Variants in CLSPN observed in about 807,000 individuals in gnomAD.
The protein encoded by CLSPN is claspin.
A neutral mutation model predicts 156.3 loss-of-function variants in CLSPN; 85 were observed. The ratio of observed to expected loss-of-function variants is 0.54; its 90% confidence interval spans 0.46 to 0.65. CLSPN has a LOEUF of 0.65. Among genes scored for constraint, CLSPN ranks in the 30% least tolerant of loss-of-function variants. The probability of loss-of-function intolerance (pLI) is 0.00; values close to 1 mark genes in which losing one functional copy is unlikely to be tolerated. For synonymous variants in CLSPN, 534 were observed against 542.4 expected (o/e 0.98, Z 0.22); for missense variants, 1,407 against 1,554.9 (o/e 0.90, Z 1.60).
chr1:35,747,770 G>A (rs1641940973), intron 14 of CLSPN, 137 bp downstream of exon 14: 1 of 775,480 alleles, frequency 1.3e-6, no homozygotes, highest in African/African-American at 1.7e-5. Context: ...CTTATAGAAT[G>A]TAATACTAAT....
chr1:35,764,493 A>T lies in CLSPN; in HGVS notation c.355T>A (p.Leu119Met). The T allele has an allele frequency of 1.2e-6, 2 of 1,614,030 alleles. No homozygotes were observed. The highest frequency in any genetic ancestry group is 1.7e-6 in the Non-Finnish European group (2 of 1,180,002). Residue 119 changes from leucine (L) to methionine (M), a missense_variant, in exon 3 of 25, where the codon TTG becomes ATG. Physicochemically the swap from Leu to Met is conservative, Grantham distance 15. This residue lies in a region of CLSPN where 1,096 missense variants were observed against 1,193.0 expected (regional missense o/e 0.92). Transcript: ENST00000318121. ...DSDESYMEKSLYQENLEAQVK... is the reference protein window; with the variant it reads ...DSDESYMEKSMYQENLEAQVK... ...TGCGCTTCAAGATTTTCCTGATACA[A>T]AGACTTTTCCATGTAACTTTCATCA...
intron 8 of CLSPN, among the ~76,000 whole-genome samples, chr1:35,756,144 A>C (rs1191667009): frequency 6.6e-6 from 1 of 152,238 alleles, no homozygotes; most frequent in Admixed American, 6.5e-5. Flanking sequence ...ATTAGCAGCA[A>C]AAACCCAACT....
chr1:35,735,451 T>C lies in CLSPN; in HGVS notation c.*1045A>G. The C allele has an allele frequency of 1.0e-6, 1 of 980,542 alleles. No individual in the cohort carries two copies. The highest frequency in any genetic ancestry group is 1.2e-6 in the Non-Finnish European group (1 of 825,538). The allele number at this position is 980,542 out of a possible 1,614,324, so 60.7% of individuals were successfully genotyped here. A position where few individuals can be genotyped will look rare whatever the true frequency, so the allele number is the denominator to read the frequency against. On this transcript the variant is annotated 3_prime_UTR_variant, in exon 25 of 25. Transcript: ENST00000318121. ...GGCTGGGCACAGTGGCTCACGCCTG[T>C]AATCTCAGCACTTTGGGAGGCTGAG...
In CLSPN at chr1:35,769,896, T is replaced by C. The variant is rs772292811; in HGVS notation, c.-26A>G. On this transcript the variant is annotated 5_prime_UTR_variant, in exon 1 of 25. Coordinates refer to ENST00000318121, the MANE Select transcript of CLSPN (RefSeq NM_022111.4). ...GACTTCTGCCTCCCCTGCGCTCCAC[T>C]AGGGACGGAGCTGTCTCTGATTCCC... The C allele has an allele frequency of 6.2e-7, 1 of 1,608,034 alleles. No individual in the cohort carries two copies.
rs367728453 is a variant in CLSPN, at chr1:35,738,100, GAAA to G, written c.3559-6_3559-4del. The G allele has an allele frequency of 1.2e-3, 434 of 355,328 alleles. 2 individuals carry two copies. The highest frequency in any genetic ancestry group is 8.9e-3 in the Admixed American group (86 of 9,638). 22.0% of individuals were successfully genotyped at this position (355,328 alleles called of 1,614,324 possible). A position where few individuals can be genotyped will look rare whatever the true frequency, so the allele number is the denominator to read the frequency against. ...GCTGTAATTTTCCCCTGCTGTGCCT[GAAA>G]AAAAAAAAAAATATATATATATATA... On this transcript the variant is annotated splice_region_variant and splice_polypyrimidine_tract_variant and intron_variant, in intron 21 of 24. Transcript: ENST00000318121.
At chr1:35,744,459 A>T (rs1418189284) in intron 16 of CLSPN, among the ~76,000 whole-genome samples, 2 of 151,870 alleles carry the variant, frequency 1.3e-5, no homozygotes, top group Non-Finnish European at 2.9e-5. Flanking sequence ...ACGCCTAGCT[A>T]ATTTTAGTAT....
Position 35,762,415 on chromosome 1 carries a change from T to A in CLSPN, c.811A>T (p.Thr271Ser). ...FEEGSELSKGTTRKERKAARL... is the reference protein window; with the variant it reads ...FEEGSELSKGSTRKERKAARL... ...GGGCTCTACCTCACCTTCCTCGTGGTTCCTTTTGATAACTCACTTCCTTCC... is the reference window on the plus strand; with the variant it reads ...GGGCTCTACCTCACCTTCCTCGTGGATCCTTTTGATAACTCACTTCCTTCC... The change falls in exon 5 of 25, where the codon ACC becomes TCC. Residue 271 changes from threonine (T) to serine (S), a missense_variant. By Grantham distance (58) the Thr-to-Ser change is moderately conservative. This residue lies in a region of CLSPN where 1,096 missense variants were observed against 1,193.0 expected (regional missense o/e 0.92). Coordinates refer to ENST00000318121, the MANE Select transcript of CLSPN (RefSeq NM_022111.4). The A allele has an allele frequency of 1.2e-6, 2 of 1,613,736 alleles. No individual in the cohort carries two copies. Among genetic ancestry groups the A allele is most frequent in the Non-Finnish European group, 1.7e-6 (2 of 1,179,720 alleles).
At chr1:35,726,942 G>C (rs1344980453) in intron 24 of CLSPN, among the ~76,000 whole-genome samples, 3 of 152,208 alleles carry the variant, frequency 2.0e-5, no homozygotes, top group Non-Finnish European at 4.4e-5. Context: ...CCCAATACTG[G>C]TGTGGGGCGT....
rs751943781 is a variant in CLSPN at position 35,761,136 on chromosome 1, G to T, written c.964C>A (p.Pro322Thr). 12 of 1,613,666 alleles carry T rather than the reference G, an allele frequency of 7.4e-6. No homozygotes were observed. In the South Asian group the frequency reaches 1.2e-4, roughly 16 times the overall value. Reference protein sequence around the residue: ...KTIHDFFKRKPRPTCHGNAMA... With the variant: ...KTIHDFFKRKTRPTCHGNAMA... Reference sequence around the variant, plus strand: ...GCATTTCCGTGGCAAGTGGGCCGGGGTTTACGTTTGAAGAAATCATGAATG... The same window carrying T: ...GCATTTCCGTGGCAAGTGGGCCGGGTTTTACGTTTGAAGAAATCATGAATG... Residue 322 changes from proline (P) to threonine (T), a missense_variant, in exon 7 of 25, where the codon CCC (proline) becomes ACC (threonine). Physicochemically the swap from Pro to Thr is conservative, Grantham distance 38. Around this residue, in one of 3 missense-constraint regions of CLSPN, gnomAD observed 1,096 missense variants for 1,193.0 expected, o/e 0.92. Coordinates refer to ENST00000318121, the MANE Select transcript of CLSPN (RefSeq NM_022111.4).
At position 35,732,558 on chromosome 1, in the gene CLSPN, C is replaced by T. The variant is rs1641343102; in HGVS notation, c.*3938G>A. 1.0e-6 allele frequency: 1 copy of T among 985,392 alleles called. No individual in the cohort carries two copies. The highest frequency in any genetic ancestry group is 1.2e-6 in the Non-Finnish European group (1 of 829,926). 61.0% of individuals were successfully genotyped at this position (985,392 alleles called of 1,614,324 possible). On this transcript the variant is annotated 3_prime_UTR_variant, in exon 25 of 25. Coordinates refer to ENST00000318121, the MANE Select transcript of CLSPN (RefSeq NM_022111.4). The stretch of plus-strand genomic sequence containing the variant: ...GAATTAATGAGATGAAATTAGAGAC[C>T]TGTTTAAAGAGGTTAATACCATGTA...
intron 24 of CLSPN, among the ~76,000 whole-genome samples, chr1:35,722,125 TA>T: frequency 6.7e-6 from 1 of 148,540 alleles, no homozygotes; most frequent in East Asian, 2.0e-4. Context: ...GGCGATAGAG[TA>T]AGACCCTGTC....
In CLSPN at chr1:35,748,260, A is replaced by G. The variant is rs1426507255; in HGVS notation, c.2472+145T>C. Reference sequence around the variant, plus strand: ...AGAATACTGGATGAAGCTTGTTTTTAATACACAAAGGGGGTGGATTTTTTA... The same window carrying G: ...AGAATACTGGATGAAGCTTGTTTTTGATACACAAAGGGGGTGGATTTTTTA... On this transcript the variant is annotated intron_variant, in intron 13 of 24. Coordinates refer to ENST00000318121, the MANE Select transcript of CLSPN (RefSeq NM_022111.4). 5.4e-5 allele frequency: 52 copies of G among 968,982 alleles called. 1 individual carries two copies. Among genetic ancestry groups the G allele is most frequent in the Non-Finnish European group, 7.2e-5 (46 of 639,168 alleles). The allele number at this position is 968,982 out of a possible 1,614,324, so 60.0% of individuals were successfully genotyped here.
At chr1:35,738,419 T>C (rs536313516) in intron 21 of CLSPN, 36 bp downstream of exon 21, 7 of 1,607,880 alleles carry the variant, frequency 4.4e-6, no homozygotes, top group Non-Finnish European at 6.0e-6. Context: ...TAAGGGACAG[T>C]CTCATAAACT....
In CLSPN at chr1:35,762,493, G is replaced by T; in HGVS notation, c.745-12C>A. On this transcript the variant is annotated splice_polypyrimidine_tract_variant and intron_variant, in intron 4 of 24. Coordinates refer to ENST00000318121, the MANE Select transcript of CLSPN (RefSeq NM_022111.4). ...GATGGTTCTTTTTTCTAAAAGAAATGGCAGGTTGATTAGGACAAAAACGAA... is the reference window on the plus strand; with the variant it reads ...GATGGTTCTTTTTTCTAAAAGAAATTGCAGGTTGATTAGGACAAAAACGAA... 1.2e-6 allele frequency: 2 copies of T among 1,612,072 alleles called. No homozygotes were observed. The highest frequency in any genetic ancestry group is 3.3e-4 in the Middle Eastern group (2 of 6,058).
intron 24 of CLSPN, among the ~76,000 whole-genome samples, chr1:35,723,154 G>A (rs1285798754): frequency 3.9e-5 from 6 of 152,166 alleles, no homozygotes; most frequent in Non-Finnish European, 8.8e-5. Context: ...CTTTTCCAGT[G>A]AGGACACCAG....
At chr1:35,739,328 T>C (rs771303064) in intron 19 of CLSPN, 37 bp downstream of exon 19, 22 of 1,613,618 alleles carry the variant, frequency 1.4e-5, no homozygotes, top group Non-Finnish European at 1.8e-5. Flanking sequence ...TCTTAAGATG[T>C]ACCCTATTAC....
intron 8 of CLSPN, among the ~76,000 whole-genome samples, chr1:35,754,407 T>A (rs946850721): frequency 6.6e-6 from 1 of 152,000 alleles, no homozygotes; most frequent in African/African-American, 2.4e-5. Context: ...TGCAGTGATG[T>A]GATCTCAGCT....
intron 14 of CLSPN, among the ~76,000 whole-genome samples, chr1:35,747,214 C>T (rs1189205316): frequency 6.6e-6 from 1 of 151,818 alleles, no homozygotes; most frequent in African/African-American, 2.4e-5. Context: ...CCCAGCTATT[C>T]GGGAGGCTGA....
intron 1 of CLSPN, among the ~76,000 whole-genome samples, 171 bp downstream of exon 1, chr1:35,769,676 C>A (rs1364650235): frequency 1.3e-5 from 2 of 152,162 alleles, no homozygotes; most frequent in African/African-American, 4.8e-5. Context: ...GATGCCCGGT[C>A]GGAACCCATC....
Sources: gnomAD v4.1 joint callset for allele counts (sites outside exome capture counted in the v4.1 genomes callset) on GRCh38, gnomAD v4.1.1 for gene constraint, gnomAD v4.1.1 regional missense constraint, MANE v1.5 for transcripts, NCBI Gene and HGNC (gene_info 2026-07-23, HGNC 2026-07-21) for gene names.